PTPRN2: variants seen among roughly 807,000 people sequenced by gnomAD.
PTPRN2 encodes the protein protein tyrosine phosphatase receptor type N2, also known as receptor-type tyrosine-protein phosphatase N2.
Under a neutral mutation model 118.8 loss-of-function variants are expected in PTPRN2, and 74 were observed. That is an observed-to-expected ratio of 0.62 (90% CI 0.52 to 0.76). PTPRN2 has a LOEUF of 0.76. Ranked by LOEUF, PTPRN2 falls within the 30% of genes least tolerant of loss-of-function variation. PTPRN2 has a pLI of 0.00. For missense variants in PTPRN2, 1,481 were observed against 1,394.4 expected (o/e 1.06, Z -0.99); for synonymous variants, 641 against 608.0 (o/e 1.05, Z -0.80).
chr7:158,139,598 G>A (rs775231438), intron 6 of PTPRN2, among the ~76,000 whole-genome samples: 6 of 151,680 alleles, frequency 4.0e-5, no homozygotes, highest in South Asian at 2.1e-4. Flanking sequence ...TAAGTTCCAC[G>A]ATAATAAAAT....
At chr7:158,261,256 G>A (rs561257807) in intron 3 of PTPRN2, among the ~76,000 whole-genome samples, 1 of 152,286 alleles carries the variant, frequency 6.6e-6, no homozygotes, top group South Asian at 2.1e-4. Context: ...AGGCCGGGCA[G>A]CGGGAAGAAG....
chr7:158,190,609 C>T (rs1284264201), intron 5 of PTPRN2, among the ~76,000 whole-genome samples: 1 of 152,208 alleles, frequency 6.6e-6, no homozygotes, highest in African/African-American at 2.4e-5. Context: ...TGACCCTGTA[C>T]TTCCACGAGG....
intron 13 of PTPRN2, among the ~76,000 whole-genome samples, chr7:157,682,517 G>A (rs755655387): frequency 6.6e-6 from 1 of 152,186 alleles, no homozygotes; most frequent in South Asian, 2.1e-4. Context: ...TATCCAAGAA[G>A]AGCAGACGGA....
In PTPRN2 at chr7:158,133,714, C is replaced by T. The variant is rs143985588; in HGVS notation, c.1519G>A (p.Glu507Lys). 472 of 1,607,752 alleles carry T rather than the reference C, an allele frequency of 2.9e-4. 2 individuals carry two copies. In the African/African-American group the frequency reaches 5.6e-3, roughly 19 times the overall value. ...DGLQLEVQPS[E>K]EEARGYIVTD... Reference sequence around the variant, plus strand: ...ACGATGTAGCCCCGCGCCTCTTCCTCGGAAGGCTGGACCTCCAATTGCAGG... The same window carrying T: ...ACGATGTAGCCCCGCGCCTCTTCCTTGGAAGGCTGGACCTCCAATTGCAGG... The change falls in exon 9 of 23, where the codon GAG (glutamate) becomes AAG (lysine). Residue 507 changes from glutamate (E) to lysine (K), a missense_variant. Transcript: ENST00000389418.
At chr7:158,289,038 A>G (rs1799940172) in intron 3 of PTPRN2, among the ~76,000 whole-genome samples, 1 of 152,168 alleles carries the variant, frequency 6.6e-6, no homozygotes, top group Non-Finnish European at 1.5e-5. Context: ...GAAGTCTGCT[A>G]TAAACCTTCC....
Position 157,595,606 on chromosome 7 carries a change from C to T in PTPRN2, c.2419-291G>A, listed in dbSNP as rs534558120. 1.5e-3 allele frequency among the ~76,000 whole-genome samples: 177 copies of T among 115,070 alleles called. 5 individuals carry two copies. The highest frequency in any genetic ancestry group is 6.3e-3 in the African/African-American group (164 of 26,118). The allele number at this position is 115,070 out of a possible 152,430, so 75.5% of individuals were successfully genotyped here. A position where few individuals can be genotyped will look rare whatever the true frequency, so the allele number is the denominator to read the frequency against. Reference sequence around the variant, plus strand: ...TAGGAAGCCTGGTGTTTAGGAAGCCCGGAGGTTAGGAAGCCAGGAGGTTAG... The same window carrying T: ...TAGGAAGCCTGGTGTTTAGGAAGCCTGGAGGTTAGGAAGCCAGGAGGTTAG... On this transcript the variant is annotated intron_variant, in intron 16 of 22. Transcript: ENST00000389418.
intron 12 of PTPRN2, among the ~76,000 whole-genome samples, chr7:157,774,133 T>C (rs111688380): frequency 0.013 from 2,021 of 152,306 alleles, 50 homozygotes; most frequent in African/African-American, 0.047. Flanking sequence ...GGCTGTGAGC[T>C]CCCTAGCTGC....
At chr7:157,651,124 G>A (rs543985434) in intron 14 of PTPRN2, among the ~76,000 whole-genome samples, 29 of 152,344 alleles carry the variant, frequency 1.9e-4, no homozygotes, top group African/African-American at 6.5e-4. Flanking sequence ...GGTGCGGCGC[G>A]ACTCCACAGG....
chr7:157,723,040 G>C (rs970528857), intron 12 of PTPRN2, among the ~76,000 whole-genome samples: 2 of 152,236 alleles, frequency 1.3e-5, no homozygotes, highest in African/African-American at 4.8e-5. Context: ...CACCAATGCA[G>C]ATGGTCTCCT....
At chr7:157,907,404 C>A (rs1446225172) in intron 11 of PTPRN2, among the ~76,000 whole-genome samples, 1 of 141,584 alleles carries the variant, frequency 7.1e-6, no homozygotes. Flanking sequence ...CTGTCCCCTG[C>A]ATGTGGGGTG....
At chr7:158,140,817 C>T (rs1488472914) in intron 6 of PTPRN2, among the ~76,000 whole-genome samples, 1 of 152,238 alleles carries the variant, frequency 6.6e-6, no homozygotes, top group Non-Finnish European at 1.5e-5. Flanking sequence ...TCCCCCTCAA[C>T]AGCAGCAATA....
chr7:157,727,425 A>G (rs1250623274), intron 12 of PTPRN2, among the ~76,000 whole-genome samples: 3 of 152,214 alleles, frequency 2.0e-5, no homozygotes, highest in African/African-American at 7.2e-5. Context: ...TGCCCAGTGA[A>G]AGAAGCCATC....
chr7:158,386,175 G>T (rs199710212), intron 2 of PTPRN2, among the ~76,000 whole-genome samples: 1 of 127,598 alleles, frequency 7.8e-6, no homozygotes, highest in African/African-American at 3.3e-5. Flanking sequence ...CTCCTCCTGT[G>T]CCCCAAGTCC....
chr7:158,043,253 C>G (rs1337001630), intron 11 of PTPRN2, among the ~76,000 whole-genome samples: 1 of 152,206 alleles, frequency 6.6e-6, no homozygotes, highest in Non-Finnish European at 1.5e-5. Flanking sequence ...ACACTTTCCT[C>G]TAATCTAAGG....
chr7:157,640,397 T>C (rs1019479887), intron 14 of PTPRN2, among the ~76,000 whole-genome samples: 2 of 151,824 alleles, frequency 1.3e-5, no homozygotes, highest in Non-Finnish European at 2.9e-5. Context: ...ATAGAGAAAA[T>C]AGGAAAGGGA....
intron 10 of PTPRN2, among the ~76,000 whole-genome samples, chr7:158,102,670 G>A (rs1160576285): frequency 6.6e-6 from 1 of 152,192 alleles, no homozygotes. Flanking sequence ...TGGGCCTGCA[G>A]CTTTGCGGGT....
chr7:158,343,649 T>G (rs1807251961), intron 2 of PTPRN2, among the ~76,000 whole-genome samples: 2 of 132,670 alleles, frequency 1.5e-5, no homozygotes, highest in Non-Finnish European at 1.6e-5. Context: ...ATCAGCCCCA[T>G]TTCTGATTTT....
At chr7:158,184,278 T>C (rs927487360) in intron 5 of PTPRN2, among the ~76,000 whole-genome samples, 2 of 152,238 alleles carry the variant, frequency 1.3e-5, no homozygotes, top group African/African-American at 4.8e-5. Flanking sequence ...ATTTGTCTTA[T>C]TGTTCTCATC....
chr7:157,595,494 T>TTAGGAAACCA (rs1801252813), intron 16 of PTPRN2, among the ~76,000 whole-genome samples, 179 bp from the exon 17 acceptor site: 2 of 129,020 alleles, frequency 1.6e-5, no homozygotes, highest in African/African-American at 6.3e-5. Flanking sequence ...TTAGGAAGCC[T>TTAGGAAACCA]GGTGTTTAGG....
Sources: gnomAD v4.1 joint callset for allele counts (sites outside exome capture counted in the v4.1 genomes callset) on GRCh38, gnomAD v4.1.1 for gene constraint, MANE v1.5 for transcripts, NCBI Gene and HGNC (gene_info 2026-07-23, HGNC 2026-07-21) for gene names.